PDE3A: variants seen among roughly 807,000 people sequenced by gnomAD.
PDE3A encodes phosphodiesterase 3A.
PDE3A carries 43 observed loss-of-function variants against 98.3 expected under a neutral mutation model. The observed-to-expected ratio is 0.44, with a 90% CI of 0.34 to 0.56. The LOEUF (loss-of-function observed/expected upper bound fraction) is 0.56. PDE3A is among the 20% of genes least tolerant of loss of function. The pLI is 0.01. For missense variants in PDE3A, 1,427 were observed against 1,440.7 expected, an observed-to-expected ratio of 0.99 and a Z score of 0.15; for synonymous variants, 663 against 567.9, an observed-to-expected ratio of 1.17 and a Z score of -2.38.
intron 1 of PDE3A, among the ~76,000 whole-genome samples, chr12:20,427,084 G>A (rs1001645833): frequency 2.6e-5 from 4 of 152,300 alleles, no homozygotes; most frequent in African/African-American, 9.6e-5. Context: ...GGGACACAGG[G>A]TAATGTTATT....
intron 1 of PDE3A, among the ~76,000 whole-genome samples, chr12:20,539,223 A>G (rs1941833030): frequency 6.6e-6 from 1 of 152,156 alleles, no homozygotes; most frequent in African/African-American, 2.4e-5. Context: ...GATGGGACCC[A>G]CGTCTAAAAC....
chr12:20,459,803 A>C (rs1421786162), intron 1 of PDE3A, among the ~76,000 whole-genome samples: 1 of 152,206 alleles, frequency 6.6e-6, no homozygotes, highest in Non-Finnish European at 1.5e-5. Context: ...TAATATAAGC[A>C]GTAAGATATT....
At chr12:20,550,544 AT>A in intron 1 of PDE3A, among the ~76,000 whole-genome samples, 1 of 152,216 alleles carries the variant, frequency 6.6e-6, no homozygotes, top group Non-Finnish European at 1.5e-5. Context: ...TATTTTTGAG[AT>A]GATATAATGC....
chr12:20,463,926 A>G (rs1202445242), intron 1 of PDE3A, among the ~76,000 whole-genome samples: 1 of 152,160 alleles, frequency 6.6e-6, no homozygotes, highest in Non-Finnish European at 1.5e-5. Context: ...ATTTTACAAA[A>G]CGAAGACCAT....
intron 1 of PDE3A, among the ~76,000 whole-genome samples, chr12:20,403,997 T>G (rs1432065762): frequency 2.0e-5 from 3 of 152,144 alleles, no homozygotes; most frequent in Admixed American, 6.5e-5. Flanking sequence ...ATTATTTTCT[T>G]TCAAAGGCTC....
chr12:20,494,185 T>G (rs1165929189), intron 1 of PDE3A, among the ~76,000 whole-genome samples: 1 of 152,244 alleles, frequency 6.6e-6, no homozygotes, highest in African/African-American at 2.4e-5. Flanking sequence ...ATGAGTGACA[T>G]TAGTACAAAT....
chr12:20,533,478 C>CTT (rs10707682), intron 1 of PDE3A, among the ~76,000 whole-genome samples: 26 of 124,646 alleles, frequency 2.1e-4, no homozygotes, highest in African/African-American at 7.6e-4. Flanking sequence ...GTTTCTTTTT[C>CTT]TTTTTTTTTT....
At chr12:20,493,203 T>G (rs1945859000) in intron 1 of PDE3A, among the ~76,000 whole-genome samples, 1 of 152,162 alleles carries the variant, frequency 6.6e-6, no homozygotes, top group Non-Finnish European at 1.5e-5. Context: ...TTTTAGCTGT[T>G]TCTGATTTTT....
At chr12:20,603,816 C>T (rs1026982982) in intron 2 of PDE3A, among the ~76,000 whole-genome samples, 20 of 152,130 alleles carry the variant, frequency 1.3e-4, no homozygotes, top group South Asian at 4.1e-4. Flanking sequence ...ATTTAATCAT[C>T]AATTACACTA....
intron 15 of PDE3A, among the ~76,000 whole-genome samples, chr12:20,675,349 A>G (rs1355088856): frequency 6.6e-6 from 1 of 152,172 alleles, no homozygotes; most frequent in Non-Finnish European, 1.5e-5. Flanking sequence ...TCTATCCTGG[A>G]GAATAGTTCC....
chr12:20,428,932 A>C (rs1382946883), intron 1 of PDE3A, among the ~76,000 whole-genome samples: 1 of 152,240 alleles, frequency 6.6e-6, no homozygotes, highest in Non-Finnish European at 1.5e-5. Context: ...GGTTACCAAC[A>C]TATATGTAGT....
intron 1 of PDE3A, among the ~76,000 whole-genome samples, chr12:20,458,394 A>AT (rs1353583974): frequency 6.6e-6 from 1 of 151,990 alleles, no homozygotes; most frequent in African/African-American, 2.4e-5. Context: ...AAAAAAAAAA[A>AT]CCAATTTTGG....
intron 1 of PDE3A, among the ~76,000 whole-genome samples, chr12:20,471,817 AT>A (rs1167785754): frequency 6.6e-6 from 1 of 151,946 alleles, no homozygotes; most frequent in South Asian, 2.1e-4. Flanking sequence ...TATCTTTCTG[AT>A]TTTTTTCCCA....
At chr12:20,517,272 C>T (rs1387280452) in intron 1 of PDE3A, among the ~76,000 whole-genome samples, 1 of 152,068 alleles carries the variant, frequency 6.6e-6, no homozygotes, top group Non-Finnish European at 1.5e-5. Context: ...ATCTAGGTAC[C>T]AGGAATAAAA....
At chr12:20,583,140 C>T (rs1191609392) in intron 2 of PDE3A, among the ~76,000 whole-genome samples, 1 of 152,092 alleles carries the variant, frequency 6.6e-6, no homozygotes, top group Admixed American at 6.5e-5. Flanking sequence ...TGAAATACTC[C>T]CCTCTACTTT....
chr12:20,533,793 TC>T (rs1426060793), intron 1 of PDE3A, among the ~76,000 whole-genome samples: 1 of 151,358 alleles, frequency 6.6e-6, no homozygotes, highest in Non-Finnish European at 1.5e-5. Flanking sequence ...GCCCCCACTT[TC>T]TTACACTGTA....
At chr12:20,672,501 A>C (rs1391461970) in intron 15 of PDE3A, among the ~76,000 whole-genome samples, 2 of 151,930 alleles carry the variant, frequency 1.3e-5, no homozygotes. Flanking sequence ...CAAAACAGAG[A>C]TATACAAGAA....
chr12:20,643,955 A>G (rs1241521723), intron 10 of PDE3A, among the ~76,000 whole-genome samples: 1 of 152,124 alleles, frequency 6.6e-6, no homozygotes, highest in Non-Finnish European at 1.5e-5. Flanking sequence ...AATAGATGTT[A>G]TCAATTCCTT....
At chr12:20,555,216 G>T (rs1005507566) in intron 1 of PDE3A, among the ~76,000 whole-genome samples, 3 of 152,130 alleles carry the variant, frequency 2.0e-5, no homozygotes, top group African/African-American at 7.2e-5. Context: ...TAGAGACAGG[G>T]TTGACCCGTC....
Sources: allele counts gnomAD v4.1 joint callset (sites outside exome capture counted in the v4.1 genomes callset), GRCh38; gene constraint gnomAD v4.1.1; transcripts MANE v1.5; gene names NCBI Gene and HGNC (gene_info 2026-07-23, HGNC 2026-07-21).